The following SPAG16 variants were observed in gnomAD, a reference collection of about 807,000 sequenced individuals.
SPAG16 encodes sperm-associated antigen 16 protein.
Under a neutral mutation model 80.4 loss-of-function variants are expected in SPAG16, and 86 were observed. The observed-to-expected ratio is 1.07, with a 90% CI of 0.90 to 1.28. SPAG16 has a LOEUF of 1.28. SPAG16 is among the 50% of genes most tolerant of loss of function. The probability of loss-of-function intolerance (pLI) is 0.00; values close to 1 mark genes in which losing one functional copy is unlikely to be tolerated. For synonymous variants in SPAG16, 294 were observed against 265.9 expected, an observed-to-expected ratio of 1.11 and a Z score of -1.03; for missense variants, 870 against 765.3, an observed-to-expected ratio of 1.14 and a Z score of -1.61.
chr2:214,240,781 C>G (rs577310079), intron 15 of SPAG16: 2 of 152,052 alleles, frequency 1.3e-5, no homozygotes, highest in South Asian at 4.1e-4. Flanking sequence ...AGAAATTCTA[C>G]TGAGCATTTA....
chr2:213,898,544 G>T (rs1423860698), intron 11 of SPAG16, among the ~76,000 whole-genome samples: 1 of 152,094 alleles, frequency 6.6e-6, no homozygotes, highest in African/African-American at 2.4e-5. Context: ...TGAATTTATG[G>T]TGGAACAGAT....
At chr2:214,122,278 G>A (rs1410553669) in intron 14 of SPAG16, among the ~76,000 whole-genome samples, 1 of 151,692 alleles carries the variant, frequency 6.6e-6, no homozygotes, top group African/African-American at 2.4e-5. Context: ...ACTTCAGAGG[G>A]AGTATTTTGT....
intron 10 of SPAG16, among the ~76,000 whole-genome samples, chr2:213,605,607 A>C (rs768635891): frequency 3.3e-5 from 5 of 152,066 alleles, no homozygotes; most frequent in Non-Finnish European, 5.9e-5. Flanking sequence ...CTCCTGCCTC[A>C]GCTTGCAGAG....
intron 15 of SPAG16, among the ~76,000 whole-genome samples, chr2:214,336,431 G>A (rs1461242908): frequency 2.0e-5 from 3 of 152,138 alleles, no homozygotes; most frequent in Non-Finnish European, 2.9e-5. Flanking sequence ...GGAAGACTAA[G>A]TAACACAAGT....
At chr2:214,101,935 T>G (rs538241707) in intron 13 of SPAG16, among the ~76,000 whole-genome samples, 40 of 152,200 alleles carry the variant, frequency 2.6e-4, no homozygotes, top group African/African-American at 9.1e-4. Flanking sequence ...AAAATGTTAA[T>G]AGGCAATGGA....
intron 11 of SPAG16, among the ~76,000 whole-genome samples, chr2:213,865,815 A>G (rs1274418717): frequency 6.8e-6 from 1 of 148,122 alleles, no homozygotes; most frequent in Non-Finnish European, 1.5e-5. Flanking sequence ...AGGAGGTACA[A>G]TACATTAGAT....
intron 15 of SPAG16, among the ~76,000 whole-genome samples, chr2:214,201,613 A>C (rs567752409): frequency 7.9e-5 from 12 of 152,326 alleles, no homozygotes; most frequent in African/African-American, 2.9e-4. Context: ...CTGGTGTGCT[A>C]CTGAGGTCAT....
chr2:213,729,534 G>C (rs780650267), intron 10 of SPAG16, among the ~76,000 whole-genome samples: 3 of 152,184 alleles, frequency 2.0e-5, no homozygotes, highest in African/African-American at 2.4e-5. Flanking sequence ...CCATCAAGGA[G>C]TCTTATCAGG....
chr2:213,842,593 TATC>T (rs2074415190), intron 10 of SPAG16, among the ~76,000 whole-genome samples: 1 of 152,202 alleles, frequency 6.6e-6, no homozygotes, highest in South Asian at 2.1e-4. Flanking sequence ...GTTTTGTTCA[TATC>T]ATCTTAAACT....
chr2:213,440,076 A>G (rs1343815881), intron 9 of SPAG16, among the ~76,000 whole-genome samples: 1 of 152,062 alleles, frequency 6.6e-6, no homozygotes, highest in Non-Finnish European at 1.5e-5. Flanking sequence ...TAATCCATAT[A>G]TCTATATAAT....
intron 13 of SPAG16, among the ~76,000 whole-genome samples, chr2:214,056,315 G>T (rs1363490413): frequency 1.5e-5 from 2 of 129,282 alleles, no homozygotes; most frequent in Admixed American, 7.7e-5. Flanking sequence ...ACACACACAC[G>T]CATAGAGAGA....
chr2:213,587,082 G>A (rs879704148), intron 10 of SPAG16, among the ~76,000 whole-genome samples: 7 of 152,130 alleles, frequency 4.6e-5, no homozygotes, highest in Non-Finnish European at 5.9e-5. Context: ...TGAATCTTGC[G>A]CTGGTGATGA....
chr2:214,117,221 A>G (rs989633178), intron 14 of SPAG16, among the ~76,000 whole-genome samples: 13 of 152,296 alleles, frequency 8.5e-5, no homozygotes, highest in African/African-American at 2.6e-4. Context: ...ATGAAATAAA[A>G]GACACAGTGG....
intron 14 of SPAG16, among the ~76,000 whole-genome samples, chr2:214,145,196 A>G (rs72939923): frequency 0.062 from 9,488 of 152,070 alleles, 445 homozygotes; most frequent in South Asian, 0.22. Flanking sequence ...ATATAAATAC[A>G]TTTGGAACCT....
intron 10 of SPAG16, among the ~76,000 whole-genome samples, chr2:213,705,925 G>A (rs530031809): frequency 1.3e-5 from 2 of 152,162 alleles, no homozygotes; most frequent in African/African-American, 4.8e-5. Flanking sequence ...ATACGCTTTG[G>A]TAGTCAGGGC....
chr2:214,296,332 T>C (rs1276586492), intron 15 of SPAG16, among the ~76,000 whole-genome samples: 2 of 152,230 alleles, frequency 1.3e-5, no homozygotes, highest in African/African-American at 4.8e-5. Context: ...TTTGCTATTG[T>C]GGATAGTGCT....
At chr2:214,163,546 G>C (rs919563879) in intron 15 of SPAG16, among the ~76,000 whole-genome samples, 1 of 150,124 alleles carries the variant, frequency 6.7e-6, no homozygotes, top group African/African-American at 2.4e-5. Flanking sequence ...ATATGTGTGT[G>C]TGTGTGTGTG....
chr2:213,321,282 C>T (rs1262148899), intron 5 of SPAG16, among the ~76,000 whole-genome samples: 1 of 151,828 alleles, frequency 6.6e-6, no homozygotes, highest in African/African-American at 2.4e-5. Context: ...GGGAAAGTTG[C>T]CATGGAAAGA....
At chr2:214,286,210 A>G (rs1038641640) in intron 15 of SPAG16, among the ~76,000 whole-genome samples, 1 of 152,108 alleles carries the variant, frequency 6.6e-6, no homozygotes, top group African/African-American at 2.4e-5. Context: ...TGGGGATACA[A>G]AGTTTCAGTT....
Sources: gnomAD v4.1 joint callset for allele counts (sites outside exome capture counted in the v4.1 genomes callset) on GRCh38, gnomAD v4.1.1 for gene constraint, MANE v1.5 for transcripts, NCBI Gene and HGNC (gene_info 2026-07-23, HGNC 2026-07-21) for gene names.